GRM3: variants seen among roughly 807,000 people sequenced by gnomAD.
GRM3 encodes metabotropic glutamate receptor 3.
Under a neutral mutation model 70.5 loss-of-function variants are expected in GRM3, and 26 were observed. That is an observed-to-expected ratio of 0.37 (90% CI 0.27 to 0.51). The LOEUF (loss-of-function observed/expected upper bound fraction) is 0.51, where lower values mean the gene tolerates loss of function less well. GRM3 is among the 20% of genes least tolerant of loss of function. GRM3 has a pLI of 0.93. For synonymous variants in GRM3, 443 were observed against 434.9 expected, an observed-to-expected ratio of 1.02 and a Z score of -0.23; for missense variants, 859 against 1,123.8, an observed-to-expected ratio of 0.76 and a Z score of 3.37.
chr7:86,673,947 C>T, intron 1 of GRM3, among the ~76,000 whole-genome samples: 1 of 152,144 alleles, frequency 6.6e-6, no homozygotes, highest in Admixed American at 6.6e-5. Flanking sequence ...AACTTCACGA[C>T]TTCTAACCTC....
chr7:86,649,791 A>G (rs1381802074), intron 1 of GRM3, among the ~76,000 whole-genome samples: 1 of 152,170 alleles, frequency 6.6e-6, no homozygotes, highest in Non-Finnish European at 1.5e-5. Flanking sequence ...AAGGTAGCTA[A>G]TAGGGAAACA....
chr7:86,765,714 T>G (rs753292291), intron 2 of GRM3, 101 bp downstream of exon 2: 1 of 899,616 alleles, frequency 1.1e-6, no homozygotes, highest in Non-Finnish European at 1.7e-6. Flanking sequence ...CAACGGATTA[T>G]ATCAACAATG....
intron 3 of GRM3, among the ~76,000 whole-genome samples, chr7:86,815,579 A>G (rs1797999459): frequency 1.3e-5 from 2 of 151,910 alleles, no homozygotes; most frequent in South Asian, 4.1e-4. Flanking sequence ...TCATATTACT[A>G]TTCTCCTTTT....
intron 1 of GRM3, among the ~76,000 whole-genome samples, chr7:86,674,985 T>C (rs1372103027): frequency 6.6e-6 from 1 of 152,114 alleles, no homozygotes; most frequent in Non-Finnish European, 1.5e-5. Flanking sequence ...CTTCCTTGCT[T>C]CCTAATATAT....
intron 3 of GRM3, among the ~76,000 whole-genome samples, chr7:86,833,726 T>C (rs774814061): frequency 1.3e-5 from 2 of 152,232 alleles, no homozygotes; most frequent in Non-Finnish European, 2.9e-5. Context: ...CTTTTTCTTC[T>C]TGGTTCTTAT....
intron 1 of GRM3, among the ~76,000 whole-genome samples, chr7:86,668,788 T>C (rs763489693): frequency 5.3e-5 from 8 of 152,132 alleles, no homozygotes; most frequent in Non-Finnish European, 1.0e-4. Flanking sequence ...AAGCAAACTA[T>C]TGTCGTTTTC....
chr7:86,680,679 G>A (rs1794420607), intron 1 of GRM3, among the ~76,000 whole-genome samples: 1 of 152,050 alleles, frequency 6.6e-6, no homozygotes, highest in African/African-American at 2.4e-5. Context: ...TGATTGCAGG[G>A]GAAGAATGAT....
At position 86,787,040 on chromosome 7, in the gene GRM3, C is replaced by A. The variant is rs925966430; in HGVS notation, c.1248C>A (p.Thr416=). ...AGCGCACCCTCTGTCCCAACACTAC[C>A]AAGCTTTGTGATGCTATGAAGATCC... ...KMQRTLCPNT[T]KLCDAMKILD... The change falls in exon 3 of 6, where the codon ACC becomes ACA. Residue 416 remains threonine (T), a synonymous_variant. Coordinates refer to ENST00000361669, the MANE Select transcript of GRM3 (RefSeq NM_000840.3). 1 of 1,613,026 alleles carries A rather than the reference C, an allele frequency of 6.2e-7. No homozygotes were observed. Among genetic ancestry groups the A allele is most frequent in the Admixed American group, 1.7e-5 (1 of 60,002 alleles).
chr7:86,807,806 G>A (rs1797827262), intron 3 of GRM3, among the ~76,000 whole-genome samples: 1 of 152,132 alleles, frequency 6.6e-6, no homozygotes, highest in African/African-American at 2.4e-5. Flanking sequence ...GTGAGAGAGG[G>A]CATCCCTGTC....
intron 1 of GRM3, among the ~76,000 whole-genome samples, chr7:86,758,619 A>G (rs1796404697): frequency 6.6e-6 from 1 of 152,302 alleles, no homozygotes; most frequent in Middle Eastern, 3.4e-3. Flanking sequence ...AATATATTCT[A>G]TACTGAGTCA....
chr7:86,762,969 T>C (rs1215987205), intron 1 of GRM3, among the ~76,000 whole-genome samples: 1 of 152,090 alleles, frequency 6.6e-6, no homozygotes, highest in African/African-American at 2.4e-5. Flanking sequence ...GACAAGATCA[T>C]AAAGCACTGA....
At chr7:86,729,168 A>G (rs1030967550) in intron 1 of GRM3, among the ~76,000 whole-genome samples, 2 of 152,116 alleles carry the variant, frequency 1.3e-5, no homozygotes, top group African/African-American at 2.4e-5. Context: ...TAGATGTAGT[A>G]TGGTGCAATG....
At chr7:86,752,506 T>C (rs954953245) in intron 1 of GRM3, among the ~76,000 whole-genome samples, 2 of 152,124 alleles carry the variant, frequency 1.3e-5, no homozygotes, top group Admixed American at 6.6e-5. Context: ...GTCTTGTTAG[T>C]TGAAAATCTG....
chr7:86,763,363 A>G (rs931785985), intron 1 of GRM3, among the ~76,000 whole-genome samples: 2 of 152,134 alleles, frequency 1.3e-5, no homozygotes, highest in African/African-American at 4.8e-5. Context: ...TCTGAAAATA[A>G]TACGTTCATC....
chr7:86,716,533 A>T (rs1795320287), intron 1 of GRM3, among the ~76,000 whole-genome samples: 1 of 151,880 alleles, frequency 6.6e-6, no homozygotes. Flanking sequence ...TAATATCCTT[A>T]TCCACAAGGT....
intron 1 of GRM3, among the ~76,000 whole-genome samples, chr7:86,684,182 G>A (rs1794508481): frequency 6.6e-6 from 1 of 151,976 alleles, no homozygotes; most frequent in Non-Finnish European, 1.5e-5. Flanking sequence ...CCTTGCTCTT[G>A]GAGTCATTTA....
At chr7:86,704,203 G>A (rs1213439969) in intron 1 of GRM3, among the ~76,000 whole-genome samples, 2 of 151,618 alleles carry the variant, frequency 1.3e-5, no homozygotes, top group South Asian at 2.1e-4. Context: ...TTCTTCATTG[G>A]CATTCAAACA....
intron 2 of GRM3, among the ~76,000 whole-genome samples, chr7:86,766,095 T>C (rs1417008099): frequency 6.6e-6 from 1 of 152,102 alleles, no homozygotes; most frequent in Non-Finnish European, 1.5e-5. Flanking sequence ...TGACATCCCA[T>C]TAGCAAAAGC....
At chr7:86,815,695 T>C (rs1798001806) in intron 3 of GRM3, among the ~76,000 whole-genome samples, 1 of 151,918 alleles carries the variant, frequency 6.6e-6, no homozygotes. Flanking sequence ...CAGCCACTTA[T>C]GAGAGTGAAA....
Sources: allele counts gnomAD v4.1 joint callset (sites outside exome capture counted in the v4.1 genomes callset), GRCh38; gene constraint gnomAD v4.1.1; transcripts MANE v1.5; gene names NCBI Gene and HGNC (gene_info 2026-07-23, HGNC 2026-07-21).